DMD: variants seen among roughly 807,000 people sequenced by gnomAD.
DMD encodes dystrophin, also known as mutant dystrophin.
Under a neutral mutation model 330.1 loss-of-function variants are expected in DMD, and 63 were observed. That is an observed-to-expected ratio of 0.19 (90% CI 0.16 to 0.24). The LOEUF is 0.24. Ranked by LOEUF, DMD falls within the 10% of genes least tolerant of loss-of-function variation. The probability of loss-of-function intolerance (pLI) is 1.00; values close to 1 mark genes in which losing one functional copy is unlikely to be tolerated. For missense variants in DMD, 3,344 were observed against 2,684.1 expected (o/e 1.25, Z -5.43); for synonymous variants, 1,223 against 959.8 (o/e 1.27, Z -5.07).
At chrX:31,551,148 C>G (rs1015451385) in intron 55 of DMD, among the ~76,000 whole-genome samples, 1 of 96,445 alleles carries the variant, frequency 1.0e-5, no homozygotes, top group Non-Finnish European at 2.0e-5. Flanking sequence ...CCACTGCACT[C>G]CAGCCAGGGT....
At chrX:31,779,940 G>C (rs1327827806) in intron 50 of DMD, among the ~76,000 whole-genome samples, 1 of 112,020 alleles carries the variant, frequency 8.9e-6, no homozygotes, top group African/African-American at 3.2e-5. Flanking sequence ...ATGAATAACA[G>C]TAGGTGTAAT....
intron 9 of DMD, among the ~76,000 whole-genome samples, chrX:32,694,646 CATTT>C (rs1354190937): frequency 9.9e-6 from 1 of 101,158 alleles, no homozygotes; most frequent in Non-Finnish European, 1.9e-5. Flanking sequence ...CATATCATAC[CATTT>C]ATTTTTTTTA....
intron 42 of DMD, among the ~76,000 whole-genome samples, chrX:32,309,495 A>G (rs973544910): frequency 7.2e-5 from 8 of 111,065 alleles, no homozygotes; most frequent in Admixed American, 5.8e-4. Context: ...CATCATCATT[A>G]TTTGCCTTAC....
At chrX:31,214,799 G>C (rs1376894577) in intron 64 of DMD, among the ~76,000 whole-genome samples, 5 of 110,506 alleles carry the variant, frequency 4.5e-5, no homozygotes, top group African/African-American at 1.3e-4. Context: ...AACTTCACAA[G>C]TTGGGGACTG....
chrX:31,900,418 GCT>G (rs1156551354), intron 47 of DMD, among the ~76,000 whole-genome samples: 2 of 111,007 alleles, frequency 1.8e-5, no homozygotes, highest in Non-Finnish European at 3.8e-5. Context: ...CCCTCCAAAA[GCT>G]CTCTCTTTGA....
chrX:32,037,635 G>A (rs1394876678), intron 44 of DMD, among the ~76,000 whole-genome samples: 5 of 111,186 alleles, frequency 4.5e-5, no homozygotes, highest in Non-Finnish European at 5.7e-5. Flanking sequence ...GAAATCCTCC[G>A]TTTTATTGGT....
intron 7 of DMD, among the ~76,000 whole-genome samples, chrX:32,754,471 T>C (rs1190878934): frequency 9.1e-6 from 1 of 110,340 alleles, no homozygotes; most frequent in Non-Finnish European, 1.9e-5. Context: ...CTCTGTCATA[T>C]AGATCACTTA....
At chrX:32,515,865 A>G (rs2045809411) in intron 18 of DMD, among the ~76,000 whole-genome samples, 2 of 111,975 alleles carry the variant, frequency 1.8e-5, no homozygotes, top group African/African-American at 6.5e-5. Flanking sequence ...AAGGTCCCCC[A>G]GAAGTCAGCT....
chrX:31,181,647 C>T (rs1029758534), intron 68 of DMD, among the ~76,000 whole-genome samples: 2 of 112,034 alleles, frequency 1.8e-5, no homozygotes, highest in Non-Finnish European at 3.8e-5. Flanking sequence ...CTTCAGAAAC[C>T]TCTAAAAGTT....
At chrX:32,627,687 C>CT (rs2058443138) in intron 11 of DMD, among the ~76,000 whole-genome samples, 1 of 110,220 alleles carries the variant, frequency 9.1e-6, no homozygotes, top group Admixed American at 9.7e-5. Context: ...TAGAGATTAA[C>CT]TTTATATCTA....
chrX:31,294,575 TTTC>T (rs2054022001), intron 62 of DMD, among the ~76,000 whole-genome samples: 1 of 112,299 alleles, frequency 8.9e-6, no homozygotes, highest in South Asian at 3.7e-4. Flanking sequence ...TTTGACATTC[TTTC>T]TTCCTCTTAC....
intron 44 of DMD, among the ~76,000 whole-genome samples, chrX:32,157,921 C>A (rs2096836089): frequency 8.9e-6 from 1 of 112,073 alleles, no homozygotes; most frequent in African/African-American, 3.2e-5. Context: ...TATTTTTATG[C>A]ATCAGAAAAC....
At chrX:32,479,613 T>C (rs2148536471) in intron 21 of DMD, among the ~76,000 whole-genome samples, 1 of 110,292 alleles carries the variant, frequency 9.1e-6, no homozygotes, top group South Asian at 3.8e-4. Context: ...TGACAGAAAT[T>C]CCTTCCTTTT....
chrX:33,154,772 T>C (rs2048427968), intron 1 of DMD, among the ~76,000 whole-genome samples: 1 of 111,814 alleles, frequency 8.9e-6, no homozygotes, highest in East Asian at 2.8e-4. Context: ...CATTATATTA[T>C]CCTTTCAGAA....
intron 43 of DMD, among the ~76,000 whole-genome samples, chrX:32,278,657 A>T (rs2097400509): frequency 8.9e-6 from 1 of 112,180 alleles, no homozygotes; most frequent in East Asian, 2.8e-4. Flanking sequence ...CCATCAGAGA[A>T]CTGCAAATCA....
chrX:32,807,170 G>GT (rs35532926), intron 7 of DMD, among the ~76,000 whole-genome samples: 2,069 of 91,452 alleles, frequency 0.023, 32 homozygotes, highest in Non-Finnish European at 0.033. Flanking sequence ...TCCAGGAGGT[G>GT]TTTTTTTTTG....
chrX:31,200,752 G>A (rs1031253522), intron 67 of DMD, among the ~76,000 whole-genome samples: 4 of 111,123 alleles, frequency 3.6e-5, no homozygotes, highest in African/African-American at 1.3e-4. Context: ...TAGTATGAGG[G>A]CAATAAGACC....
intron 2 of DMD, among the ~76,000 whole-genome samples, chrX:32,922,777 G>T (rs894698546): frequency 8.9e-6 from 1 of 111,841 alleles, no homozygotes; most frequent in African/African-American, 3.3e-5. Flanking sequence ...GGGGACCCCT[G>T]CTTTGGGGAG....
rs773093542 is a variant in DMD, at chrX:31,922,525, T to TGTGTGTGC, written c.6912+7070_6912+7071insGCACACAC. Among the ~76,000 whole-genome samples the TGTGTGTGC allele has an allele frequency of 6.1e-3, 647 of 106,383 alleles. 11 individuals are homozygous for TGTGTGTGC. Among genetic ancestry groups the TGTGTGTGC allele is most frequent in the Admixed American group, 0.026 (260 of 9,892 alleles). 92.4% of individuals were successfully genotyped at this position (106,383 alleles called of 115,157 possible). On this transcript the variant is annotated intron_variant, in intron 47 of 78. Transcript: ENST00000357033. ...GTGTGTGTGTGTGTGTGTGTGTGTG[T>TGTGTGTGC]GCGCGCGCGTGCGCTAGGGGGGTGC...
Sources: allele counts gnomAD v4.1 joint callset (sites outside exome capture counted in the v4.1 genomes callset), GRCh38; gene constraint gnomAD v4.1.1; transcripts MANE v1.5; gene names NCBI Gene and HGNC (gene_info 2026-07-23, HGNC 2026-07-21).